PTPRT: variants seen among roughly 807,000 people sequenced by gnomAD.
The protein encoded by PTPRT is protein tyrosine phosphatase receptor type T.
PTPRT carries 56 observed loss-of-function variants against 176.8 expected under a neutral mutation model. That is an observed-to-expected ratio of 0.32 (90% confidence interval 0.26 to 0.40). The LOEUF (loss-of-function observed/expected upper bound fraction) is 0.40, where lower values mean the gene tolerates loss of function less well. Among genes scored for constraint, PTPRT ranks in the 10% least tolerant of loss-of-function variants. The pLI is 1.00. For missense variants in PTPRT, 1,540 were observed against 1,908.2 expected, an observed-to-expected ratio of 0.81 and a Z score of 3.60; for synonymous variants, 783 against 739.0, an observed-to-expected ratio of 1.06 and a Z score of -0.96.
At chr20:42,533,078 A>G (rs2072414024) in intron 7 of PTPRT, among the ~76,000 whole-genome samples, 1 of 152,090 alleles carries the variant, frequency 6.6e-6, no homozygotes, top group Admixed American at 6.5e-5. Context: ...GGCCTCTAAT[A>G]CCTGTAATCT....
rs759518214 is a variant in PTPRT at position 42,315,792 on chromosome 20, G to T, written c.2070C>A (p.Tyr690Ter). ...TCAGGGGAGAGAGAGGAGGGTTCCA[G>T]TAGCCATTGTATGTCTTATTGTCAC... ...TVGDNKTYNG[Y>*]WNPPLSPLKS... Residue 690 changes from tyrosine (Y) to a stop codon, truncating the protein, a stop_gained, in exon 12 of 31, where the codon TAC (tyrosine) becomes TAA (stop). Transcript: ENST00000373187. LOFTEE classifies it high-confidence loss of function. 1.9e-6 allele frequency: 3 copies of T among 1,614,166 alleles called. No homozygotes were observed. The highest frequency in any genetic ancestry group is 2.2e-5 in the East Asian group (1 of 44,880).
chr20:42,998,088 C>A (rs747685165), intron 1 of PTPRT, among the ~76,000 whole-genome samples: 48 of 152,072 alleles, frequency 3.2e-4, no homozygotes, highest in Admixed American at 2.6e-4. Flanking sequence ...AGTGTGAGAT[C>A]GTTGATTCTC....
chr20:42,546,345 T>A (rs2072673608), intron 7 of PTPRT, among the ~76,000 whole-genome samples: 1 of 152,148 alleles, frequency 6.6e-6, no homozygotes, highest in South Asian at 2.1e-4. Flanking sequence ...ATGCATTATT[T>A]GAACACAGTT....
intron 1 of PTPRT, among the ~76,000 whole-genome samples, chr20:43,021,291 T>C (rs780676251): frequency 3.9e-5 from 6 of 152,088 alleles, no homozygotes; most frequent in Non-Finnish European, 5.9e-5. Flanking sequence ...AGAAGGCATT[T>C]CCTAAACACA....
intron 15 of PTPRT, among the ~76,000 whole-genome samples, chr20:42,205,753 G>T (rs1160026247): frequency 2.6e-5 from 4 of 151,972 alleles, no homozygotes; most frequent in Non-Finnish European, 5.9e-5. Context: ...GCAATCTCCA[G>T]ATAAACTTTC....
intron 7 of PTPRT, among the ~76,000 whole-genome samples, chr20:42,638,589 G>A (rs1428717199): frequency 1.3e-5 from 2 of 151,974 alleles, no homozygotes; most frequent in Non-Finnish European, 2.9e-5. Flanking sequence ...ACTATGCTGT[G>A]CTTTTTTAAA....
chr20:42,380,366 T>C (rs2058687546), intron 9 of PTPRT, among the ~76,000 whole-genome samples: 1 of 152,094 alleles, frequency 6.6e-6, no homozygotes, highest in African/African-American at 2.4e-5. Context: ...AGATCAGGTT[T>C]AGCCCACACT....
At chr20:42,236,129 G>T in intron 15 of PTPRT, 100 bp downstream of exon 15, 3 of 1,067,644 alleles carry the variant, frequency 2.8e-6, no homozygotes, top group Non-Finnish European at 4.1e-6. Flanking sequence ...AGACAGAAGT[G>T]AAAATGAGAA....
At chr20:42,288,709 T>A (rs956572408) in intron 12 of PTPRT, among the ~76,000 whole-genome samples, 2 of 152,070 alleles carry the variant, frequency 1.3e-5, no homozygotes, top group Non-Finnish European at 2.9e-5. Flanking sequence ...TTCTTTTTTA[T>A]GGCTGCATAG....
At chr20:42,108,943 C>CTTTCT (rs1160782260) in intron 23 of PTPRT, among the ~76,000 whole-genome samples, 7 of 152,062 alleles carry the variant, frequency 4.6e-5, no homozygotes, top group African/African-American at 1.5e-4. Flanking sequence ...TTGCCATTGT[C>CTTTCT]TTTCTTTCTT....
In PTPRT at chr20:42,499,842, A is replaced by G. The variant is rs57347745; in HGVS notation, c.1154-27280T>C. Reference sequence around the variant, plus strand: ...CTACATTGTCCAAGGGTGAGTTGTAATTGGTATCATATACATACCCTTCTT... The same window carrying G: ...CTACATTGTCCAAGGGTGAGTTGTAGTTGGTATCATATACATACCCTTCTT... On this transcript the variant is annotated intron_variant, in intron 7 of 30. Coordinates refer to ENST00000373187, the MANE Select transcript of PTPRT (RefSeq NM_007050.6). Among the ~76,000 whole-genome samples, 241 of 152,266 alleles carry G rather than the reference A, an allele frequency of 1.6e-3. 3 individuals are homozygous for G. The highest frequency in any genetic ancestry group is 5.5e-3 in the African/African-American group (230 of 41,556).
At chr20:42,296,848 T>TA (rs1458345397) in intron 12 of PTPRT, among the ~76,000 whole-genome samples, 1 of 152,184 alleles carries the variant, frequency 6.6e-6, no homozygotes, top group Non-Finnish European at 1.5e-5. Flanking sequence ...ACTCAAAGGA[T>TA]AAATGCTTGA....
At chr20:43,115,763 C>T (rs1349445108) in intron 1 of PTPRT, among the ~76,000 whole-genome samples, 1 of 152,122 alleles carries the variant, frequency 6.6e-6, no homozygotes, top group Non-Finnish European at 1.5e-5. Flanking sequence ...GGTCCAGACA[C>T]CCCGTCCAGG....
intron 15 of PTPRT, among the ~76,000 whole-genome samples, chr20:42,220,227 G>C (rs900341230): frequency 2.6e-5 from 4 of 152,038 alleles, no homozygotes; most frequent in African/African-American, 9.7e-5. Context: ...GGTGATGAAA[G>C]AAATCAAAGA....
At chr20:42,968,517 G>A (rs1019873063) in intron 1 of PTPRT, among the ~76,000 whole-genome samples, 1 of 152,200 alleles carries the variant, frequency 6.6e-6, no homozygotes, top group Non-Finnish European at 1.5e-5. Context: ...AAATGCAGAA[G>A]GGTGCCAGGA....
chr20:43,112,472 T>C (rs1289285959), intron 1 of PTPRT, among the ~76,000 whole-genome samples: 1 of 152,050 alleles, frequency 6.6e-6, no homozygotes, highest in Non-Finnish European at 1.5e-5. Context: ...TGTTACGTAA[T>C]ATAAAGGGCA....
chr20:42,243,797 T>A (rs1050246525), intron 14 of PTPRT, among the ~76,000 whole-genome samples: 1 of 152,184 alleles, frequency 6.6e-6, no homozygotes, highest in African/African-American at 2.4e-5. Flanking sequence ...CCAACTCACG[T>A]GATCTTTTCG....
chr20:42,915,209 C>A (rs1978658032), intron 1 of PTPRT, among the ~76,000 whole-genome samples: 1 of 152,222 alleles, frequency 6.6e-6, no homozygotes, highest in South Asian at 2.1e-4. Context: ...GGGAGCCCCA[C>A]TGCAATGCAC....
intron 1 of PTPRT, among the ~76,000 whole-genome samples, chr20:42,911,707 C>G (rs1182896055): frequency 6.6e-6 from 1 of 152,066 alleles, no homozygotes; most frequent in African/African-American, 2.4e-5. Flanking sequence ...TTTAAAAACA[C>G]AATCCCCTCT....
Sources: allele counts gnomAD v4.1 joint callset (sites outside exome capture counted in the v4.1 genomes callset), GRCh38; gene constraint gnomAD v4.1.1; transcripts MANE v1.5; gene names NCBI Gene and HGNC (gene_info 2026-07-23, HGNC 2026-07-21).